Variants in PADI1 observed in about 807,000 individuals in gnomAD.
The protein encoded by PADI1 is protein-arginine deiminase type-1.
A neutral mutation model predicts 74.8 loss-of-function variants in PADI1; 65 were observed. That is an observed-to-expected ratio of 0.87 (90% CI 0.71 to 1.07). The LOEUF (loss-of-function observed/expected upper bound fraction) is 1.07. Among genes scored for constraint, PADI1 ranks in the 50% least tolerant of loss-of-function variants. The pLI, the probability that PADI1 is intolerant of heterozygous loss-of-function variation, is 0.00. For synonymous variants in PADI1, 371 were observed against 336.2 expected (o/e 1.10, Z -1.13); for missense variants, 943 against 854.0 (o/e 1.10, Z -1.30).
chr1:17,215,529 C>T (rs1183699890), intron 1 of PADI1, among the ~76,000 whole-genome samples: 1 of 152,136 alleles, frequency 6.6e-6, no homozygotes, highest in Non-Finnish European at 1.5e-5. Flanking sequence ...CTGTGTCTGG[C>T]ACCGGTGGTC....
intron 3 of PADI1, 41 bp from the exon 4 acceptor site, chr1:17,224,326 G>A (rs747507115): frequency 8.9e-6 from 14 of 1,579,802 alleles, no homozygotes; most frequent in Middle Eastern, 1.7e-4. Flanking sequence ...TGAAGATGGG[G>A]CTGGATGAGC....
intron 1 of PADI1, among the ~76,000 whole-genome samples, chr1:17,215,398 C>T (rs1229118241): frequency 1.3e-5 from 2 of 151,732 alleles, no homozygotes; most frequent in South Asian, 4.2e-4. Context: ...TCATCATCGT[C>T]ATCATCATCA....
At chr1:17,238,276 A>G (rs1345905287) in intron 12 of PADI1, among the ~76,000 whole-genome samples, 2 of 152,234 alleles carry the variant, frequency 1.3e-5, no homozygotes, top group Admixed American at 6.5e-5. Context: ...TCCTGACTGC[A>G]GGTGATCTGC....
At chr1:17,231,939 GTT>G (rs1369481770) in intron 10 of PADI1, among the ~76,000 whole-genome samples, 2 of 75,640 alleles carry the variant, frequency 2.6e-5, no homozygotes, top group Non-Finnish European at 5.3e-5. Flanking sequence ...AAAAACACGT[GTT>G]TGTTTGTTTG....
chr1:17,207,920 G>C (rs2071724442), intron 1 of PADI1, among the ~76,000 whole-genome samples: 1 of 152,242 alleles, frequency 6.6e-6, no homozygotes, highest in African/African-American at 2.4e-5. Flanking sequence ...CTGCTGGCCA[G>C]GTCTGCGATG....
intron 9 of PADI1, 141 bp downstream of exon 9, chr1:17,230,349 C>A: frequency 9.9e-7 from 1 of 1,014,414 alleles, no homozygotes; most frequent in Non-Finnish European, 1.4e-6. Flanking sequence ...TTTCCGCTGC[C>A]TGCATCAGCC....
chr1:17,210,429 T>C (rs2071803853), intron 1 of PADI1, among the ~76,000 whole-genome samples: 1 of 151,946 alleles, frequency 6.6e-6, no homozygotes, highest in African/African-American at 2.4e-5. Flanking sequence ...CAGGGCCCTA[T>C]CTCTCAGGGA....
At chr1:17,216,732 T>C (rs1330185372) in intron 1 of PADI1, among the ~76,000 whole-genome samples, 7 of 151,836 alleles carry the variant, frequency 4.6e-5, no homozygotes, top group Admixed American at 4.6e-4. Context: ...TTAGCTGGCG[T>C]GGTGGTGAGC....
At chr1:17,232,624 A>G (rs1195429088) in intron 10 of PADI1, among the ~76,000 whole-genome samples, 195 bp from the exon 11 acceptor site, 1 of 151,994 alleles carries the variant, frequency 6.6e-6, no homozygotes, top group Non-Finnish European at 1.5e-5. Context: ...ATCTTTGGTT[A>G]TTGATTTGTC....
At chr1:17,223,265 C>T (rs199803904) in intron 2 of PADI1, among the ~76,000 whole-genome samples, 6 of 152,112 alleles carry the variant, frequency 3.9e-5, no homozygotes, top group East Asian at 1.9e-4. Context: ...AGGAACTACC[C>T]GAGGCTTAGA....
chr1:17,226,226 C>T, intron 6 of PADI1, 68 bp downstream of exon 6: 1 of 1,552,422 alleles, frequency 6.4e-7, no homozygotes. Context: ...CCCCATCTCT[C>T]TCTCTTTTTT....
At chr1:17,238,051 TGTTTGTTTGTTTTTC>T (rs1469085570) in intron 12 of PADI1, among the ~76,000 whole-genome samples, 17 of 152,328 alleles carry the variant, frequency 1.1e-4, no homozygotes, top group Middle Eastern at 6.8e-3. Flanking sequence ...GTTTGTTTTT[TGTTTGTTTGTTTTTC>T]GAGACAGAAT....
chr1:17,222,022 G>A (rs2072167270), intron 1 of PADI1, among the ~76,000 whole-genome samples: 1 of 152,212 alleles, frequency 6.6e-6, no homozygotes, highest in South Asian at 2.1e-4. Flanking sequence ...GAGGTGGTGG[G>A]TTAGTGGATC....
intron 1 of PADI1, among the ~76,000 whole-genome samples, chr1:17,210,658 A>T (rs1401845019): frequency 1.3e-5 from 2 of 152,138 alleles, no homozygotes; most frequent in Non-Finnish European, 2.9e-5. Context: ...GAGGGAGAAG[A>T]CAGGACACAG....
Position 17,230,455 on chromosome 1 carries a change from C to T in PADI1, c.1054-117C>T, listed in dbSNP as rs1243184537. The T allele has an allele frequency of 9.2e-6, 7 of 761,778 alleles. No individual in the cohort carries two copies. The Admixed American group carries it at 1.5e-4, about 16-fold the overall frequency. The allele number at this position is 761,778 out of a possible 1,614,324, so 47.2% of individuals were successfully genotyped here. On this transcript the variant is annotated intron_variant, in intron 9 of 15. Transcript: ENST00000375471. Reference sequence around the variant, plus strand: ...AGGCCTCACTTCTACCTCTGCCCCTCACCAGGTCTTAGGGAAGACCCGCTG... The same window carrying T: ...AGGCCTCACTTCTACCTCTGCCCCTTACCAGGTCTTAGGGAAGACCCGCTG...
intron 1 of PADI1, among the ~76,000 whole-genome samples, chr1:17,206,487 G>C (rs1473650125): frequency 6.6e-6 from 1 of 152,166 alleles, no homozygotes; most frequent in African/African-American, 2.4e-5. Flanking sequence ...TCGGGTCTAG[G>C]TGGCCAGCAG....
intron 2 of PADI1, among the ~76,000 whole-genome samples, 175 bp downstream of exon 2, chr1:17,222,645 C>T (rs143820336): frequency 5.1e-4 from 77 of 152,278 alleles, no homozygotes; most frequent in Middle Eastern, 3.4e-3. Flanking sequence ...GCCCAAAACA[C>T]GCAAACCTCC....
In PADI1 at chr1:17,228,083, C is replaced by T. The variant is rs1222349352; in HGVS notation, c.653-542C>T. Reference sequence around the variant, plus strand: ...ACGGCTCACTGCAGCCTTGAACTCCCGGGCTCAAGCGATACTCCCACCTCA... The same window carrying T: ...ACGGCTCACTGCAGCCTTGAACTCCTGGGCTCAAGCGATACTCCCACCTCA... On this transcript the variant is annotated intron_variant, in intron 6 of 15. Coordinates refer to ENST00000375471, the MANE Select transcript of PADI1 (RefSeq NM_013358.3). Among the ~76,000 whole-genome samples, 7 of 152,236 alleles carry T rather than the reference C, an allele frequency of 4.6e-5. No individual in the cohort carries two copies. The South Asian group carries it at 6.2e-4, about 14-fold the overall frequency.
chr1:17,209,983 T>G (rs965155807), intron 1 of PADI1, among the ~76,000 whole-genome samples: 28 of 152,000 alleles, frequency 1.8e-4, no homozygotes, highest in Admixed American at 1.6e-3. Flanking sequence ...GCCCCCCAAG[T>G]AGCTGGGATT....
Sources: allele counts gnomAD v4.1 joint callset (sites outside exome capture counted in the v4.1 genomes callset), GRCh38; gene constraint gnomAD v4.1.1; transcripts MANE v1.5; gene names NCBI Gene and HGNC (gene_info 2026-07-23, HGNC 2026-07-21).